SDC2: variants seen among roughly 807,000 people sequenced by gnomAD.
SDC2 encodes the protein syndecan-2.
Under a neutral mutation model 22.2 loss-of-function variants are expected in SDC2, and 13 were observed. That is an observed-to-expected ratio of 0.59 (90% CI 0.38 to 0.93). The LOEUF (loss-of-function observed/expected upper bound fraction) is 0.93. Ranked by LOEUF, SDC2 falls within the 40% of genes least tolerant of loss-of-function variation. The pLI, the probability that SDC2 is intolerant of heterozygous loss-of-function variation, is 0.00. For missense variants in SDC2, 235 were observed against 246.8 expected (o/e 0.95, Z 0.32); for synonymous variants, 94 against 92.8 (o/e 1.01, Z -0.07).
At chr8:96,502,181 C>T (rs1019160675) in intron 1 of SDC2, among the ~76,000 whole-genome samples, 3 of 152,292 alleles carry the variant, frequency 2.0e-5, no homozygotes, top group South Asian at 2.1e-4. Flanking sequence ...AGCAAAGGCA[C>T]GTCCTACATG....
rs752931039 is a variant in SDC2 at position 96,610,880 on chromosome 8, C to T, written c.*1332C>T. The T allele has an allele frequency of 4.6e-5, 7 of 152,544 alleles. No homozygotes were observed. The allele number at this position is 152,544 out of a possible 1,614,324, so 9.4% of individuals were successfully genotyped here. On this transcript the variant is annotated 3_prime_UTR_variant, in exon 5 of 5. Coordinates refer to ENST00000302190, the MANE Select transcript of SDC2 (RefSeq NM_002998.4). ...TCTAGGTAGAGATATTGGAAGGCTG[C>T]CAGGGGATTTCGAAGTTTGCAACCT...
At chr8:96,520,822 T>A (rs1194928584) in intron 1 of SDC2, among the ~76,000 whole-genome samples, 4 of 152,190 alleles carry the variant, frequency 2.6e-5, no homozygotes, top group Non-Finnish European at 5.9e-5. Context: ...GCATTAACCC[T>A]TGTGCCCCTG....
intron 1 of SDC2, among the ~76,000 whole-genome samples, chr8:96,517,759 T>A (rs71514923): frequency 8.1e-6 from 1 of 124,212 alleles, no homozygotes; most frequent in African/African-American, 3.3e-5. Flanking sequence ...ATACACACGT[T>A]TGTGTGTGTG....
Position 96,517,275 on chromosome 8 carries a change from G to A in SDC2, c.60+22944G>A, listed in dbSNP as rs138704688. On this transcript the variant is annotated intron_variant, in intron 1 of 4. Coordinates refer to ENST00000302190, the MANE Select transcript of SDC2 (RefSeq NM_002998.4). ...AAATGTCTATTCAGATGTCTATTCT[G>A]TGGGTTGTCTTTTCATTCTCTTAAT... Among the ~76,000 whole-genome samples, 1,118 of 152,266 alleles carry A rather than the reference G, an allele frequency of 7.3e-3. 6 individuals carry two copies. Among genetic ancestry groups the A allele is most frequent in the Non-Finnish European group, 0.01 (706 of 68,016 alleles).
intron 1 of SDC2, among the ~76,000 whole-genome samples, chr8:96,537,946 TTTGTTTTTTG>T (rs1040399490): frequency 2.7e-4 from 9 of 33,044 alleles, no homozygotes; most frequent in East Asian, 1.7e-3. Flanking sequence ...AAGCTTATGT[TTTGTTTTTTG>T]TTTGTTTGTT....
At chr8:96,525,266 G>A (rs1813559670) in intron 1 of SDC2, among the ~76,000 whole-genome samples, 1 of 152,296 alleles carries the variant, frequency 6.6e-6, no homozygotes, top group East Asian at 1.9e-4. Flanking sequence ...TCCTAGAGAA[G>A]CTTCTGTGCT....
At chr8:96,544,515 C>A (rs915115765) in intron 1 of SDC2, among the ~76,000 whole-genome samples, 1 of 152,160 alleles carries the variant, frequency 6.6e-6, no homozygotes, top group Admixed American at 6.5e-5. Flanking sequence ...TTCTAGCGAT[C>A]GCTCTTTTCT....
intron 1 of SDC2, among the ~76,000 whole-genome samples, chr8:96,564,730 C>T (rs1214136237): frequency 6.6e-6 from 1 of 152,062 alleles, no homozygotes; most frequent in Admixed American, 6.6e-5. Flanking sequence ...AAGAAAATAC[C>T]TCAAGATTCC....
At chr8:96,580,576 T>C (rs997414685) in intron 1 of SDC2, 22 of 957,510 alleles carry the variant, frequency 2.3e-5, no homozygotes, top group Middle Eastern at 5.3e-4. Context: ...GAGGTGAGTG[T>C]GCCTGAAGCA....
intron 1 of SDC2, among the ~76,000 whole-genome samples, chr8:96,560,976 C>CA (rs913465439): frequency 6.6e-6 from 1 of 152,032 alleles, no homozygotes; most frequent in Non-Finnish European, 1.5e-5. Flanking sequence ...CATAGTGGCA[C>CA]GCCTGTAATC....
chr8:96,540,584 T>C (rs1264854561), intron 1 of SDC2, among the ~76,000 whole-genome samples: 1 of 151,348 alleles, frequency 6.6e-6, no homozygotes, highest in African/African-American at 2.4e-5. Flanking sequence ...AGGAAGCCAG[T>C]CTTAGAAAGA....
At chr8:96,555,612 A>G (rs1433143349) in intron 1 of SDC2, among the ~76,000 whole-genome samples, 2 of 152,212 alleles carry the variant, frequency 1.3e-5, no homozygotes, top group African/African-American at 4.8e-5. Flanking sequence ...AAGCTATGTC[A>G]TCTGTAGAAT....
At chr8:96,549,174 A>G (rs143843087) in intron 1 of SDC2, among the ~76,000 whole-genome samples, 247 of 152,364 alleles carry the variant, frequency 1.6e-3, no homozygotes, top group Middle Eastern at 6.8e-3. Context: ...CCAGTTTCTC[A>G]GGAAAACTTA....
At chr8:96,562,672 C>T (rs1384638343) in intron 1 of SDC2, among the ~76,000 whole-genome samples, 1 of 152,220 alleles carries the variant, frequency 6.6e-6, no homozygotes, top group African/African-American at 2.4e-5. Flanking sequence ...ACCAGGAATT[C>T]CGTCGACACA....
chr8:96,560,545 A>G (rs1814191973), intron 1 of SDC2, among the ~76,000 whole-genome samples: 1 of 152,144 alleles, frequency 6.6e-6, no homozygotes, highest in African/African-American at 2.4e-5. Flanking sequence ...ATAGGAAAGG[A>G]TGGAGTTTTA....
intron 1 of SDC2, among the ~76,000 whole-genome samples, chr8:96,582,343 C>T (rs1814602213): frequency 1.3e-5 from 2 of 151,502 alleles, no homozygotes; most frequent in Non-Finnish European, 2.9e-5. Context: ...CTCTTTGACA[C>T]ACAGTGCAGC....
At chr8:96,494,354 G>A in intron 1 of SDC2, 23 bp downstream of exon 1, 1 of 1,537,198 alleles carries the variant, frequency 6.5e-7, no homozygotes, top group Non-Finnish European at 8.7e-7. Context: ...GGCGGAGGAT[G>A]CGCGCGCCGT....
At chr8:96,517,242 CTG>C (rs1308971640) in intron 1 of SDC2, among the ~76,000 whole-genome samples, 5 of 152,164 alleles carry the variant, frequency 3.3e-5, no homozygotes, top group African/African-American at 9.7e-5. Flanking sequence ...TGTATTTACT[CTG>C]TGAAGAAATG....
chr8:96,507,731 C>G (rs1813263796), intron 1 of SDC2, among the ~76,000 whole-genome samples: 1 of 152,200 alleles, frequency 6.6e-6, no homozygotes. Context: ...ACGAACATTC[C>G]TTGGATTTTT....
Sources: allele counts gnomAD v4.1 joint callset (sites outside exome capture counted in the v4.1 genomes callset), GRCh38; gene constraint gnomAD v4.1.1; transcripts MANE v1.5; gene names NCBI Gene and HGNC (gene_info 2026-07-23, HGNC 2026-07-21).